DDR1: variants seen among roughly 807,000 people sequenced by gnomAD.
DDR1 encodes the protein epithelial discoidin domain-containing receptor 1.
DDR1 carries 64 observed loss-of-function variants against 97.4 expected under a neutral mutation model. The observed-to-expected ratio is 0.66, with a 90% confidence interval of 0.54 to 0.81. The LOEUF (loss-of-function observed/expected upper bound fraction) is 0.81. Ranked by LOEUF, DDR1 falls within the 30% of genes least tolerant of loss-of-function variation. DDR1 has a pLI of 0.00. For missense variants in DDR1, 990 were observed against 1,259.6 expected (o/e 0.79, Z 3.24); for synonymous variants, 458 against 503.7 (o/e 0.91, Z 1.21).
In DDR1 at chr6:30,893,338, G is replaced by T. The variant is rs1789352166; in HGVS notation, c.1262G>T (p.Gly421Val). The stretch of plus-strand genomic sequence containing the variant: ...GGGAGCCCGACCGCCATCCTCATCG[G>T]CTGCCTGGTGGCCATCATCCTGCTC... ...AEGSPTAILI[G>V]CLVAIILLLL... Residue 421 changes from glycine (G) to valine (V), a missense_variant, in exon 10 of 18, where the codon GGC (glycine) becomes GTC (valine). Physicochemically the swap from Gly to Val is moderately radical, Grantham distance 109. Coordinates refer to ENST00000376568, the MANE Select transcript of DDR1 (RefSeq NM_001297654.2). The T allele has an allele frequency of 1.2e-6, 2 of 1,607,628 alleles. No homozygotes were observed.
upstream of DDR1, chr6:30,883,343 G>C (rs1784609050): frequency 6.5e-6 from 1 of 152,788 alleles, no homozygotes; most frequent in Admixed American, 6.5e-5. This position sits in a 1 kb window ranked among gnomAD's most constrained non-coding sequence, Gnocchi z 4.9. Flanking sequence ...AGGTGTGGGG[G>C]TGTGGAGAGA....
chr6:30,896,496 C>T, intron 12 of DDR1, 125 bp from the exon 13 acceptor site: 1 of 1,235,602 alleles, frequency 8.1e-7, no homozygotes, highest in African/African-American at 1.5e-5. Flanking sequence ...GAAGATACAG[C>T]ATAGACCCAG....
chr6:30,897,054 G>C lies in DDR1; in HGVS notation c.1910G>C (p.Ser637Thr). The stretch of plus-strand genomic sequence containing the variant: ...GTCGACAGCCCTCAAGATCTGGTTA[G>C]TCTTGATTTCCCCCTTAATGTGCGT... ...CEVDSPQDLV[S>T]LDFPLNVRKG... Residue 637 changes from serine (S) to threonine (T), a missense_variant, in exon 14 of 18, where the codon AGT becomes ACT. Coordinates refer to ENST00000376568, the MANE Select transcript of DDR1 (RefSeq NM_001297654.2). The surrounding 1 kb of genome is among the most constrained non-coding windows in gnomAD (Gnocchi z 5.2). 6.2e-7 allele frequency: 1 copy of C among 1,613,892 alleles called. No homozygotes were observed. Among genetic ancestry groups the C allele is most frequent in the South Asian group, 1.1e-5 (1 of 91,030 alleles).
chr6:30,889,909 T>C lies in DDR1; in HGVS notation c.417+479T>C, dbSNP rs923051987. ...TAAGATGATATCCTTGATTCCTTTT[T>C]TTCTCTCACCTCCTTCCAAAGCATC... On this transcript the variant is annotated intron_variant, in intron 4 of 17. Coordinates refer to ENST00000376568, the MANE Select transcript of DDR1 (RefSeq NM_001297654.2). This position sits in a 1 kb window ranked among gnomAD's most constrained non-coding sequence, Gnocchi z 4.9. Among the ~76,000 whole-genome samples, 2 of 152,178 alleles carry C rather than the reference T, an allele frequency of 1.3e-5. No homozygotes were observed. Among genetic ancestry groups the C allele is most frequent in the Non-Finnish European group, 2.9e-5 (2 of 68,038 alleles).
In DDR1 at chr6:30,897,224, C is replaced by G. The variant is rs968609664; in HGVS notation, c.1997+83C>G. 17 of 1,572,074 alleles carry G rather than the reference C, an allele frequency of 1.1e-5. No homozygotes were observed. The East Asian group carries it at 2.7e-4, about 25-fold the overall frequency. Reference sequence around the variant, plus strand: ...CCATCTAGAGAGAACAATGGCAGAGCCCAACAGAGGGGTGGCATCTCTGGG... The same window carrying G: ...CCATCTAGAGAGAACAATGGCAGAGGCCAACAGAGGGGTGGCATCTCTGGG... On this transcript the variant is annotated intron_variant, in intron 14 of 17. Coordinates refer to ENST00000376568, the MANE Select transcript of DDR1 (RefSeq NM_001297654.2). The surrounding 1 kb of genome is among the most constrained non-coding windows in gnomAD (Gnocchi z 5.2).
chr6:30,889,546 C>A lies in DDR1; in HGVS notation c.417+116C>A. 2 of 733,326 alleles carry A rather than the reference C, an allele frequency of 2.7e-6. No individual in the cohort carries two copies. Among genetic ancestry groups the A allele is most frequent in the Non-Finnish European group, 4.2e-6 (2 of 478,974 alleles). 45.4% of individuals were successfully genotyped at this position (733,326 alleles called of 1,614,324 possible). A position where few individuals can be genotyped will look rare whatever the true frequency, so the allele number is the denominator to read the frequency against. Reference sequence around the variant, plus strand: ...AGTTTATATCATCTCCAGACTAAGCCTCTCAGCTGAGCTCCAAACAATATT... The same window carrying A: ...AGTTTATATCATCTCCAGACTAAGCATCTCAGCTGAGCTCCAAACAATATT... On this transcript the variant is annotated intron_variant, in intron 4 of 17. Coordinates refer to ENST00000376568, the MANE Select transcript of DDR1 (RefSeq NM_001297654.2). This position sits in a 1 kb window ranked among gnomAD's most constrained non-coding sequence, Gnocchi z 4.9.
intron 12 of DDR1, 136 bp downstream of exon 12, chr6:30,895,650 C>T (rs1790487873): frequency 1.8e-6 from 1 of 557,012 alleles, no homozygotes; most frequent in South Asian, 2.6e-5. Context: ...GGAGGAAGCT[C>T]TTGTGCCCTT....
Position 30,896,877 on chromosome 6 carries a change from G to A in DDR1, c.1869+12G>A, listed in dbSNP as rs367978862. On this transcript the variant is annotated intron_variant, in intron 13 of 17. Coordinates refer to ENST00000376568, the MANE Select transcript of DDR1 (RefSeq NM_001297654.2). The stretch of plus-strand genomic sequence containing the variant: ...GCCAGTTTGGGGAGGTAAGGAGGGT[G>A]CCTACCCAGTGTCTGGCCCTATTGT... 3.2e-6 allele frequency: 5 copies of A among 1,565,452 alleles called. No individual in the cohort carries two copies. The African/African-American group carries it at 6.8e-5, about 21-fold the overall frequency.
chr6:30,899,253 A>G lies in DDR1; in HGVS notation c.2699A>G (p.Gln900Arg), dbSNP rs529844175. ...TCTGAGCAGCGACCACCCTTTTCCC[A>G]GCTGCATCGGTTCCTGGCAGAGGAT... The part of the protein sequence containing the change: ...RESEQRPPFS[Q>R]LHRFLAEDAL... Residue 900 changes from glutamine (Q) to arginine (R), a missense_variant, in exon 18 of 18, where the codon CAG becomes CGG. By Grantham distance (43) the Gln-to-Arg change is conservative. Transcript: ENST00000376568. 3 of 1,613,974 alleles carry G rather than the reference A, an allele frequency of 1.9e-6. No individual in the cohort carries two copies. In the East Asian group the frequency reaches 6.7e-5, roughly 36 times the overall value.
rs1786924032 is a variant in DDR1, at chr6:30,888,975, C to T, written c.153C>T (p.Ser51=). ...CAGACAGTGACATCTCTGCTTCCAG[C>T]TCCTGGTCAGATTCCACTGCCGCCC... ...TIPDSDISAS[S]SWSDSTAARH... Residue 51 remains serine (S), a synonymous_variant, in exon 3 of 18, where the codon AGC becomes AGT. Transcript: ENST00000376568. This position sits in a 1 kb window ranked among gnomAD's most constrained non-coding sequence, Gnocchi z 4.2. 1 of 1,612,988 alleles carries T rather than the reference C, an allele frequency of 6.2e-7. No homozygotes were observed. Among genetic ancestry groups the T allele is most frequent in the Non-Finnish European group, 8.5e-7 (1 of 1,180,028 alleles).
chr6:30,882,763 CA>C (rs1285983811), upstream of DDR1: 2 of 152,880 alleles, frequency 1.3e-5, no homozygotes, highest in Non-Finnish European at 2.9e-5. The surrounding 1 kb of genome is among the most constrained non-coding windows in gnomAD (Gnocchi z 4.8). Context: ...TAGCTGGGGT[CA>C]GCGTGGGCCT....
chr6:30,885,330 G>A, intron 1 of DDR1: 2 of 1,422,408 alleles, frequency 1.4e-6, no homozygotes, highest in Non-Finnish European at 1.9e-6. Flanking sequence ...GCCCAAGCTC[G>A]CTGGCTGTTG....
chr6:30,893,935 A>T (rs920851216), intron 10 of DDR1, among the ~76,000 whole-genome samples: 2 of 152,190 alleles, frequency 1.3e-5, no homozygotes, highest in African/African-American at 2.4e-5. Flanking sequence ...TTCCGGCTGG[A>T]GTCCAGTGGC....
intron 1 of DDR1, chr6:30,885,067 G>A (rs1437042000): frequency 7.6e-6 from 6 of 794,572 alleles, no homozygotes; most frequent in African/African-American, 3.4e-5. Flanking sequence ...CACCTGGCCA[G>A]TCCCTGCGGG....
rs770747399 is a variant in DDR1 at position 30,891,283 on chromosome 6, A to G, written c.566-97A>G. On this transcript the variant is annotated intron_variant, in intron 5 of 17. Coordinates refer to ENST00000376568, the MANE Select transcript of DDR1 (RefSeq NM_001297654.2). This position sits in a 1 kb window ranked among gnomAD's most constrained non-coding sequence, Gnocchi z 5.3. ...CCTCCATGCCAATGAGCCAGTGGAG[A>G]GATACAAGAAGGGACCTGAAACCTG... The G allele has an allele frequency of 1.6e-4, 222 of 1,400,558 alleles. No homozygotes were observed. The highest frequency in any genetic ancestry group is 4.2e-4 in the Admixed American group (22 of 52,924). 86.8% of individuals were successfully genotyped at this position (1,400,558 alleles called of 1,614,324 possible). A position where few individuals can be genotyped will look rare whatever the true frequency, so the allele number is the denominator to read the frequency against.
In DDR1 at chr6:30,900,028, T is replaced by C; in HGVS notation, c.*732T>C. 1 of 595,368 alleles carries C rather than the reference T, an allele frequency of 1.7e-6. No homozygotes were observed. The highest frequency in any genetic ancestry group is 1.4e-5 in the South Asian group (1 of 72,186). 36.9% of individuals were successfully genotyped at this position (595,368 alleles called of 1,614,324 possible). ...TGTAGCTGCCACATTGATTTTTCTA[T>C]AATCACTTGGGGTTTGTACATTTTT... is the stretch of plus-strand genomic sequence containing the variant. On this transcript the variant is annotated 3_prime_UTR_variant, in exon 18 of 18. Coordinates refer to ENST00000376568, the MANE Select transcript of DDR1 (RefSeq NM_001297654.2).
At chr6:30,881,617 G>T (rs1489684840), upstream of DDR1, among the ~76,000 whole-genome samples, 1 of 152,098 alleles carries the variant, frequency 6.6e-6, no homozygotes, top group East Asian at 1.9e-4. Flanking sequence ...TCTCTTAGGA[G>T]TTTGTTTCCA....
chr6:30,898,461 T>TC (rs1791755896), intron 16 of DDR1, among the ~76,000 whole-genome samples, 154 bp downstream of exon 16: 2 of 152,210 alleles, frequency 1.3e-5, no homozygotes, highest in Non-Finnish European at 2.9e-5. Flanking sequence ...CCCAAGGGAC[T>TC]GGGGAAAGCA....
At position 30,889,561 on chromosome 6, in the gene DDR1, C is replaced by T; in HGVS notation, c.417+131C>T. On this transcript the variant is annotated intron_variant, in intron 4 of 17. Transcript: ENST00000376568. The surrounding 1 kb of genome is among the most constrained non-coding windows in gnomAD (Gnocchi z 4.9). ...CAGACTAAGCCTCTCAGCTGAGCTC[C>T]AAACAATATTGTAAACCTGGCCACC... 1.5e-6 allele frequency: 1 copy of T among 650,664 alleles called. No individual in the cohort carries two copies. The highest frequency in any genetic ancestry group is 3.1e-5 in the East Asian group (1 of 32,010). The allele number at this position is 650,664 out of a possible 1,614,324, so 40.3% of individuals were successfully genotyped here.
Sources: allele counts gnomAD v4.1 joint callset (sites outside exome capture counted in the v4.1 genomes callset), GRCh38; gene constraint gnomAD v4.1.1; non-coding constraint Gnocchi (gnomAD v3.1); transcripts MANE v1.5; gene names NCBI Gene and HGNC (gene_info 2026-07-23, HGNC 2026-07-21).